Variants in CUX1 observed in about 807,000 individuals in gnomAD.
The protein encoded by CUX1 is protein CASP.
In CUX1, 31 loss-of-function variants were observed where a neutral mutation model predicts 158.8. The ratio of observed to expected loss-of-function variants is 0.20; its 90% CI spans 0.15 to 0.26. CUX1 has a LOEUF of 0.26. CUX1 is among the 10% of genes least tolerant of loss of function. The pLI, the probability that CUX1 is intolerant of heterozygous loss-of-function variation, is 1.00. For missense variants in CUX1, 1,589 were observed against 2,014.6 expected, an observed-to-expected ratio of 0.79 and a Z score of 4.04; for synonymous variants, 879 against 862.1, an observed-to-expected ratio of 1.02 and a Z score of -0.34.
At chr7:102,063,498 C>T (rs1441856765) in intron 3 of CUX1, among the ~76,000 whole-genome samples, 1 of 145,926 alleles carries the variant, frequency 6.9e-6, no homozygotes, top group Non-Finnish European at 1.5e-5. Flanking sequence ...ACGCCATTCT[C>T]CTGCCTCAGC....
chr7:102,058,221 A>T (rs1185311486), intron 3 of CUX1, among the ~76,000 whole-genome samples: 4 of 152,206 alleles, frequency 2.6e-5, no homozygotes, highest in Non-Finnish European at 5.9e-5. Flanking sequence ...TTCACTGGAA[A>T]ATCAAAAAAT....
At chr7:102,183,949 G>A (rs1193085873) in intron 11 of CUX1, among the ~76,000 whole-genome samples, 1 of 152,184 alleles carries the variant, frequency 6.6e-6, no homozygotes, top group Non-Finnish European at 1.5e-5. Flanking sequence ...CCAGGCTGGA[G>A]TGCAGTGGCA....
intron 6 of CUX1, 110 bp downstream of exon 6, chr7:102,104,569 C>A: frequency 7.0e-7 from 1 of 1,418,734 alleles, no homozygotes; most frequent in Non-Finnish European, 9.6e-7. Flanking sequence ...GGTTGTAACC[C>A]CAAATCTATA....
chr7:102,041,596 A>G (rs1439780327), intron 3 of CUX1, among the ~76,000 whole-genome samples: 10 of 151,742 alleles, frequency 6.6e-5, no homozygotes, highest in African/African-American at 1.9e-4. Context: ...AGTCTTCCCA[A>G]AATACCCAGC....
At chr7:101,991,130 G>A (rs576513858) in intron 2 of CUX1, among the ~76,000 whole-genome samples, 5 of 152,132 alleles carry the variant, frequency 3.3e-5, no homozygotes, top group Non-Finnish European at 5.9e-5. Context: ...GAAGGGGAAC[G>A]CTTCCCCCGG....
intron 4 of CUX1, among the ~76,000 whole-genome samples, chr7:102,079,607 A>T (rs393074): frequency 0.23 from 34,233 of 151,994 alleles, 4,616 homozygotes; most frequent in African/African-American, 0.38. Context: ...CCAGGTCTCC[A>T]GGTGTTGGCA....
intron 3 of CUX1, among the ~76,000 whole-genome samples, chr7:102,030,691 G>GTTTTTTGTTT (rs1554459486): frequency 1.7e-5 from 2 of 119,408 alleles, no homozygotes; most frequent in African/African-American, 6.2e-5. Flanking sequence ...TTTAAAAAGT[G>GTTTTTTGTTT]TTTTTTTTTT....
rs1290667055 is a variant in CUX1 at position 101,914,369 on chromosome 7, TC to T, written c.31-1743del. On this transcript the variant is annotated intron_variant, in intron 1 of 23. Transcript: ENST00000292535. ...CTTCCTTCTTCCTTCCTTCCTTCCT[TC>T]CCTCCCTCCCTCCCTCCCTCCCTCT... 3.0e-4 allele frequency among the ~76,000 whole-genome samples: 33 copies of T among 109,844 alleles called. 1 individual carries two copies. In the South Asian group the frequency reaches 0.012, roughly 40 times the overall value. 72.1% of individuals were successfully genotyped at this position (109,844 alleles called of 152,430 possible).
intron 2 of CUX1, among the ~76,000 whole-genome samples, chr7:101,983,672 A>T (rs751486639): frequency 6.6e-6 from 1 of 152,164 alleles, no homozygotes; most frequent in Non-Finnish European, 1.5e-5. Flanking sequence ...GACTTGACAT[A>T]TCACATGGGG....
chr7:101,940,028 C>T (rs1219970471), intron 2 of CUX1, among the ~76,000 whole-genome samples: 1 of 150,176 alleles, frequency 6.7e-6, no homozygotes. Context: ...TGCAGTGAGC[C>T]GAGATTGCAC....
At chr7:102,240,971 C>T (rs1326078401) in intron 23 of CUX1, among the ~76,000 whole-genome samples, 2 of 152,168 alleles carry the variant, frequency 1.3e-5, no homozygotes, top group East Asian at 1.9e-4. Context: ...CAGGTGTGCA[C>T]CACCACGCCT....
At chr7:102,209,437 C>A (rs1273417034) in intron 20 of CUX1, among the ~76,000 whole-genome samples, 1 of 151,902 alleles carries the variant, frequency 6.6e-6, no homozygotes, top group Non-Finnish European at 1.5e-5. Flanking sequence ...CTTGAAAAGG[C>A]GTAAGGTGAG....
Position 102,249,690 on chromosome 7 carries a change from G to A in CUX1, c.*648G>A. ...CAGGAAAAAATAAAAGGGGGGGTGG[G>A]ATTTTTCAGAAAAATTAAAAAAGAA... On this transcript the variant is annotated 3_prime_UTR_variant, in exon 24 of 24. Transcript: ENST00000292535. 3.1e-6 allele frequency: 3 copies of A among 981,576 alleles called. No homozygotes were observed. The highest frequency in any genetic ancestry group is 3.6e-6 in the Non-Finnish European group (3 of 828,926). 60.8% of individuals were successfully genotyped at this position (981,576 alleles called of 1,614,324 possible).
chr7:102,156,517 C>T (rs1554505335), intron 8 of CUX1, among the ~76,000 whole-genome samples: 3 of 152,152 alleles, frequency 2.0e-5, no homozygotes, highest in Non-Finnish European at 4.4e-5. Context: ...AGAATGGCAC[C>T]AAGCCATTCA....
chr7:102,152,580 C>T (rs1232049319), intron 8 of CUX1, among the ~76,000 whole-genome samples: 5 of 152,156 alleles, frequency 3.3e-5, no homozygotes, highest in African/African-American at 4.8e-5. Context: ...TTAGTAGAAA[C>T]GGGGTTTCAC....
chr7:102,276,997 A>G (rs1226382284), intron 17 of CUX1, among the ~76,000 whole-genome samples: 1 of 152,184 alleles, frequency 6.6e-6, no homozygotes, highest in Non-Finnish European at 1.5e-5. Context: ...ACCAATGACA[A>G]AAAAAAGTAT....
intron 1 of CUX1, among the ~76,000 whole-genome samples, chr7:101,835,334 C>T (rs1210596294): frequency 1.3e-5 from 2 of 152,162 alleles, no homozygotes; most frequent in Non-Finnish European, 2.9e-5. Flanking sequence ...GGGCCGCATT[C>T]TTTTTTATGG....
chr7:102,227,767 T>G (rs562264601), intron 21 of CUX1, 98 bp downstream of exon 21: 52 of 1,246,934 alleles, frequency 4.2e-5, no homozygotes, highest in Non-Finnish European at 3.4e-6. Flanking sequence ...CCACAGAGTC[T>G]CAACTTGTGT....
chr7:101,867,917 GC>G (rs1255371625), intron 1 of CUX1, among the ~76,000 whole-genome samples: 1 of 151,872 alleles, frequency 6.6e-6, no homozygotes, highest in African/African-American at 2.4e-5. Context: ...CACCATGTTG[GC>G]CAGGCTGGTC....
Sources: allele counts gnomAD v4.1 joint callset (sites outside exome capture counted in the v4.1 genomes callset), GRCh38; gene constraint gnomAD v4.1.1; transcripts MANE v1.5; gene names NCBI Gene and HGNC (gene_info 2026-07-23, HGNC 2026-07-21).